PRKN: variants seen among roughly 807,000 people sequenced by gnomAD.
PRKN encodes the protein E3 ubiquitin-protein ligase parkin.
A neutral mutation model predicts 59.5 loss-of-function variants in PRKN; 56 were observed. The ratio of observed to expected loss-of-function variants is 0.94; its 90% CI spans 0.76 to 1.18. The LOEUF (loss-of-function observed/expected upper bound fraction) is 1.18, where lower values mean the gene tolerates loss of function less well. PRKN is among the 50% of genes most tolerant of loss of function. The probability of loss-of-function intolerance (pLI) is 0.00; values close to 1 mark genes in which losing one functional copy is unlikely to be tolerated. For synonymous variants in PRKN, 250 were observed against 222.1 expected (o/e 1.13, Z -1.12); for missense variants, 657 against 596.4 (o/e 1.10, Z -1.06).
In PRKN at chr6:161,785,784, G is replaced by C. The variant is rs762130249; in HGVS notation, c.859C>G (p.Leu287Val). ...FVHDPQLGYS[L>V]PCVAGCPNSL... ...ATGCTAGACTTACCCACACAAGGCAGGGAGTAGCCAAGTTGAGGGTCGTGA... is the reference window on the plus strand; with the variant it reads ...ATGCTAGACTTACCCACACAAGGCACGGAGTAGCCAAGTTGAGGGTCGTGA... Residue 287 changes from leucine to valine, a missense_variant, in exon 7 of 12, where the codon CTG becomes GTG. By Grantham distance (32) the Leu-to-Val change is conservative (BLOSUM62 1). Transcript: ENST00000366898. 8 of 1,613,900 alleles carry C rather than the reference G, an allele frequency of 5.0e-6. No individual in the cohort carries two copies. The highest frequency in any genetic ancestry group is 1.1e-5 in the South Asian group (1 of 91,036).
chr6:162,068,788 G>A (rs997092890), intron 4 of PRKN, among the ~76,000 whole-genome samples: 2 of 126,894 alleles, frequency 1.6e-5, no homozygotes, highest in African/African-American at 2.9e-5. Context: ...CTTGGTTAGA[G>A]AAAGCAATTT....
chr6:162,314,981 A>G (rs1040799535), intron 2 of PRKN, among the ~76,000 whole-genome samples: 1 of 152,164 alleles, frequency 6.6e-6, no homozygotes, highest in African/African-American at 2.4e-5. Context: ...ACAGTAGATC[A>G]CCAGGGTTTC....
Position 161,467,046 on chromosome 6 carries a change from C to A in PRKN, c.1084-80169G>T, listed in dbSNP as rs1421456959. Among the ~76,000 whole-genome samples, 1 of 152,188 alleles carries A rather than the reference C, an allele frequency of 6.6e-6. No individual in the cohort carries two copies. The highest frequency in any genetic ancestry group is 1.5e-5 in the Non-Finnish European group (1 of 68,026). ...GCAGAATGTTCTACATCCCAGAAAC[C>A]AGGATTGTTTGCCACTGATTTCATT... On this transcript the variant is annotated intron_variant, in intron 9 of 11. Transcript: ENST00000366898. The surrounding 1 kb of genome is among the most constrained non-coding windows in gnomAD (Gnocchi z 4.3).
intron 7 of PRKN, among the ~76,000 whole-genome samples, chr6:161,735,690 G>T (rs1421421447): frequency 6.6e-6 from 1 of 152,082 alleles, no homozygotes; most frequent in Non-Finnish European, 1.5e-5. Flanking sequence ...ACTGAGGAGG[G>T]TGGATCACGA....
intron 3 of PRKN, among the ~76,000 whole-genome samples, chr6:162,202,258 T>C (rs1784762580): frequency 6.6e-6 from 1 of 152,092 alleles, no homozygotes; most frequent in Non-Finnish European, 1.5e-5. Context: ...ATATGATCTA[T>C]TAAAAACAAC....
intron 1 of PRKN, among the ~76,000 whole-genome samples, chr6:162,491,296 C>A (rs1416158277): frequency 6.6e-6 from 1 of 151,348 alleles, no homozygotes; most frequent in Non-Finnish European, 1.5e-5. Context: ...ACCAACCAAC[C>A]AAGGATGGCA....
intron 4 of PRKN, among the ~76,000 whole-genome samples, chr6:162,070,561 G>T (rs1394616930): frequency 6.6e-6 from 1 of 152,110 alleles, no homozygotes; most frequent in African/African-American, 2.4e-5. Flanking sequence ...TAACAAGGGG[G>T]TGCCCTAGAG....
intron 9 of PRKN, among the ~76,000 whole-genome samples, chr6:161,523,121 TTC>T (rs144913097): frequency 0.012 from 1,799 of 152,314 alleles, 36 homozygotes; most frequent in African/African-American, 0.041. Context: ...TAATATTAGT[TTC>T]TATTTTATTT....
intron 6 of PRKN, among the ~76,000 whole-genome samples, chr6:161,944,282 T>G (rs1005381561): frequency 3.3e-5 from 5 of 152,220 alleles, no homozygotes; most frequent in Admixed American, 1.3e-4. Context: ...AATGGGGGGC[T>G]TAAGGAATGT....
chr6:162,661,874 T>C (rs1226539576), intron 1 of PRKN, among the ~76,000 whole-genome samples: 1 of 152,208 alleles, frequency 6.6e-6, no homozygotes, highest in East Asian at 1.9e-4. Context: ...GTTTCTTACA[T>C]GCGTATACTG....
chr6:162,491,775 C>T (rs1253585754), intron 1 of PRKN, among the ~76,000 whole-genome samples: 1 of 152,142 alleles, frequency 6.6e-6, no homozygotes, highest in East Asian at 1.9e-4. Context: ...GTTGAGGTGA[C>T]CAGCCGCACA....
intron 1 of PRKN, among the ~76,000 whole-genome samples, chr6:162,526,004 A>G (rs1778265001): frequency 6.6e-6 from 1 of 151,998 alleles, no homozygotes; most frequent in African/African-American, 2.4e-5. Context: ...AACCACACCC[A>G]GCTAATTTTT....
intron 3 of PRKN, among the ~76,000 whole-genome samples, chr6:162,254,630 G>C (rs1271554052): frequency 6.6e-6 from 1 of 152,060 alleles, no homozygotes; most frequent in South Asian, 2.1e-4. Context: ...ATTGCACAAT[G>C]AACACCCACT....
rs953088942 is a variant in PRKN, at chr6:161,483,637, C to T, written c.1083+65217G>A. On this transcript the variant is annotated intron_variant, in intron 9 of 11. Coordinates refer to ENST00000366898, the MANE Select transcript of PRKN (RefSeq NM_004562.3). This position sits in a 1 kb window ranked among gnomAD's most constrained non-coding sequence, Gnocchi z 5.0. ...GACATCTACATTAATGCCCCTCATC[C>T]CCAATAGAGAGCACATTGGTAGCTC... 6.6e-6 allele frequency among the ~76,000 whole-genome samples: 1 copy of T among 152,136 alleles called. No homozygotes were observed. Among genetic ancestry groups the T allele is most frequent in the African/African-American group, 2.4e-5 (1 of 41,420 alleles).
At chr6:162,467,514 C>A (rs765876721) in intron 1 of PRKN, among the ~76,000 whole-genome samples, 2 of 152,106 alleles carry the variant, frequency 1.3e-5, no homozygotes, top group Non-Finnish European at 2.9e-5. Flanking sequence ...ATCCCTTTAT[C>A]CCTATCATTG....
intron 4 of PRKN, among the ~76,000 whole-genome samples, chr6:162,061,727 T>A (rs1329913946): frequency 6.6e-6 from 1 of 152,090 alleles, no homozygotes; most frequent in East Asian, 1.9e-4. Context: ...ACGAAAAAAA[T>A]TCGTTAAACC....
At chr6:162,401,877 CAGA>C (rs1230398774) in intron 2 of PRKN, among the ~76,000 whole-genome samples, 1 of 152,134 alleles carries the variant, frequency 6.6e-6, no homozygotes, top group Non-Finnish European at 1.5e-5. Flanking sequence ...CCAATTTCCA[CAGA>C]AGCAAACAGT....
At position 161,446,976 on chromosome 6, in the gene PRKN, A is replaced by T. The variant is rs1789519761; in HGVS notation, c.1084-60099T>A. ...AGCTCCTATCCTTCCCAGGTGAAAA[A>T]GTGGGCTTTTTTTCCCCCTTAAGGC... On this transcript the variant is annotated intron_variant, in intron 9 of 11. Transcript: ENST00000366898. The surrounding 1 kb of genome is among the most constrained non-coding windows in gnomAD (Gnocchi z 6.2). Among the ~76,000 whole-genome samples, 1 of 152,160 alleles carries T rather than the reference A, an allele frequency of 6.6e-6. No homozygotes were observed. The highest frequency in any genetic ancestry group is 2.4e-5 in the African/African-American group (1 of 41,434).
chr6:162,110,877 A>G (rs1451204696), intron 4 of PRKN, among the ~76,000 whole-genome samples: 2 of 152,160 alleles, frequency 1.3e-5, no homozygotes, highest in Non-Finnish European at 2.9e-5. Context: ...TGAACATACC[A>G]TGAGGAAAAC....
Sources: gnomAD v4.1 joint callset for allele counts (sites outside exome capture counted in the v4.1 genomes callset) on GRCh38, gnomAD v4.1.1 for gene constraint, Gnocchi (gnomAD v3.1) non-coding constraint, MANE v1.5 for transcripts, NCBI Gene and HGNC (gene_info 2026-07-23, HGNC 2026-07-21) for gene names.